DGKB: variants seen among roughly 807,000 people sequenced by gnomAD.
DGKB encodes diacylglycerol kinase beta.
In DGKB, 67 loss-of-function variants were observed where a neutral mutation model predicts 114.3. The ratio of observed to expected loss-of-function variants is 0.59; its 90% CI spans 0.48 to 0.72. DGKB has a LOEUF of 0.72. Among genes scored for constraint, DGKB ranks in the 30% least tolerant of loss-of-function variants. DGKB has a pLI of 0.00. For missense variants in DGKB, 907 were observed against 975.2 expected (o/e 0.93, Z 0.93); for synonymous variants, 398 against 323.1 (o/e 1.23, Z -2.49).
intron 23 of DGKB, among the ~76,000 whole-genome samples, chr7:14,222,448 A>G (rs551787805): frequency 6.6e-6 from 1 of 151,038 alleles, no homozygotes; most frequent in Non-Finnish European, 1.5e-5. Flanking sequence ...TAAATTTCCC[A>G]TATTTCTTTT....
intron 6 of DGKB, among the ~76,000 whole-genome samples, chr7:14,718,308 C>T (rs1343061885): frequency 6.6e-6 from 1 of 151,986 alleles, no homozygotes; most frequent in Non-Finnish European, 1.5e-5. Flanking sequence ...AGTCATATGA[C>T]AAACATAGGA....
intron 21 of DGKB, among the ~76,000 whole-genome samples, chr7:14,349,099 G>A (rs924715924): frequency 5.9e-5 from 9 of 152,012 alleles, no homozygotes; most frequent in African/African-American, 2.2e-4. Flanking sequence ...GTGTCATTAA[G>A]AGAACTGTAG....
chr7:14,209,740 C>T (rs962340471), intron 23 of DGKB, among the ~76,000 whole-genome samples: 2 of 152,114 alleles, frequency 1.3e-5, no homozygotes, highest in African/African-American at 4.8e-5. Flanking sequence ...AATAAAATAT[C>T]CTTTTGATTA....
intron 17 of DGKB, among the ~76,000 whole-genome samples, chr7:14,585,897 T>A (rs985015141): frequency 6.6e-6 from 1 of 152,148 alleles, no homozygotes; most frequent in Non-Finnish European, 1.5e-5. Flanking sequence ...GAGAACATAA[T>A]TGTGAATGTT....
Position 14,868,260 on chromosome 7 carries a change from T to G in DGKB, c.-187-26810A>C, listed in dbSNP as rs182641509. Among the ~76,000 whole-genome samples, 288 of 152,200 alleles carry G rather than the reference T, an allele frequency of 1.9e-3. 1 individual carries two copies. Among genetic ancestry groups the G allele is most frequent in the African/African-American group, 6.8e-3 (284 of 41,548 alleles). Reference sequence around the variant, plus strand: ...ATTCTTCAAAGCAAAATGCCCCTTCTGTCACTGCCCCCTATGCTTGCCTCT... The same window carrying G: ...ATTCTTCAAAGCAAAATGCCCCTTCGGTCACTGCCCCCTATGCTTGCCTCT... On this transcript the variant is annotated intron_variant, in intron 1 of 25. Transcript: ENST00000402815.
chr7:14,754,448 G>T lies in DGKB; in HGVS notation c.148-500C>A, dbSNP rs564755200. ...CCATTCCTAAGATATCCTTCTATTA[G>T]CGTCACGCCTAGCATCTCTCCATAC... is the stretch of plus-strand genomic sequence containing the variant. On this transcript the variant is annotated intron_variant, in intron 3 of 25. Transcript: ENST00000402815. Among the ~76,000 whole-genome samples, 22 of 152,140 alleles carry T rather than the reference G, an allele frequency of 1.4e-4. No homozygotes were observed. In the East Asian group the frequency reaches 4.3e-3, roughly 29 times the overall value.
At chr7:14,414,485 G>T (rs1266746304) in intron 21 of DGKB, among the ~76,000 whole-genome samples, 2 of 152,144 alleles carry the variant, frequency 1.3e-5, no homozygotes, top group Non-Finnish European at 2.9e-5. Flanking sequence ...GGTTTTGTCT[G>T]TGTCAATAAT....
chr7:14,208,779 C>T (rs572074394), intron 23 of DGKB, among the ~76,000 whole-genome samples: 1 of 151,720 alleles, frequency 6.6e-6, no homozygotes, highest in Non-Finnish European at 1.5e-5. Context: ...TAGCTTGATT[C>T]TTTATTCACT....
rs1305323876 is a variant in DGKB at position 14,147,787 on chromosome 7, T to A, written c.*1344A>T. On this transcript the variant is annotated 3_prime_UTR_variant, in exon 26 of 26. Coordinates refer to ENST00000402815, the MANE Select transcript of DGKB (RefSeq NM_001350709.2). ...CTGCTCAGAAGCATTTCATTTTACATCATAGGCTTAATGAAACACTAAAAG... is the reference window on the plus strand; with the variant it reads ...CTGCTCAGAAGCATTTCATTTTACAACATAGGCTTAATGAAACACTAAAAG... 6.6e-6 allele frequency: 1 copy of A among 152,574 alleles called. No individual in the cohort carries two copies. Among genetic ancestry groups the A allele is most frequent in the African/African-American group, 2.4e-5 (1 of 41,450 alleles). The allele number at this position is 152,574 out of a possible 1,614,324, so 9.5% of individuals were successfully genotyped here.
intron 23 of DGKB, among the ~76,000 whole-genome samples, chr7:14,333,839 T>C (rs919698478): frequency 6.6e-6 from 1 of 152,216 alleles, no homozygotes; most frequent in Non-Finnish European, 1.5e-5. Context: ...GACATAATGA[T>C]ACTTGCTGTA....
At chr7:14,419,278 C>T (rs1431049999) in intron 21 of DGKB, among the ~76,000 whole-genome samples, 5 of 151,790 alleles carry the variant, frequency 3.3e-5, no homozygotes, top group African/African-American at 1.2e-4. Flanking sequence ...TGATATATAA[C>T]ACATTTTTAA....
chr7:14,859,812 C>T (rs1850712682), intron 1 of DGKB, among the ~76,000 whole-genome samples: 2 of 152,028 alleles, frequency 1.3e-5, no homozygotes, highest in South Asian at 2.1e-4. Flanking sequence ...CATAACTCTG[C>T]GTCTCACAAT....
At chr7:14,908,326 G>A (rs1783816088), upstream of DGKB, among the ~76,000 whole-genome samples, 1 of 152,110 alleles carries the variant, frequency 6.6e-6, no homozygotes, top group African/African-American at 2.4e-5. Flanking sequence ...GGCCATTTAG[G>A]TGTCTCTACA....
chr7:14,831,169 C>T (rs79733919), intron 2 of DGKB, among the ~76,000 whole-genome samples: 336 of 151,936 alleles, frequency 2.2e-3, no homozygotes, highest in African/African-American at 7.9e-3. Context: ...GAAAAATAAA[C>T]GGTGAGAGAC....
At chr7:14,791,934 T>G (rs1238511793) in intron 2 of DGKB, among the ~76,000 whole-genome samples, 1 of 152,092 alleles carries the variant, frequency 6.6e-6, no homozygotes, top group Non-Finnish European at 1.5e-5. Context: ...GTTTTCCATA[T>G]TTTTACTCTT....
At chr7:14,937,066 A>T (rs940329163) in intron 1 of DGKB, among the ~76,000 whole-genome samples, 3 of 136,594 alleles carry the variant, frequency 2.2e-5, no homozygotes, top group Non-Finnish European at 4.8e-5. Flanking sequence ...ACACACACAC[A>T]CACACACATC....
chr7:14,361,494 T>C (rs1020985802), intron 21 of DGKB, among the ~76,000 whole-genome samples: 8 of 151,990 alleles, frequency 5.3e-5, no homozygotes, highest in African/African-American at 1.9e-4. Context: ...CTCCCTGAAA[T>C]ATCATGATCT....
intron 9 of DGKB, among the ~76,000 whole-genome samples, chr7:14,690,291 C>G (rs6954517): frequency 0.59 from 90,009 of 151,944 alleles, 27,533 homozygotes; most frequent in East Asian, 0.87. Context: ...TTTCCGGAGA[C>G]AGCAACTGCC....
chr7:14,705,758 C>T (rs1312400820), intron 6 of DGKB, among the ~76,000 whole-genome samples: 1 of 151,676 alleles, frequency 6.6e-6, no homozygotes, highest in Non-Finnish European at 1.5e-5. Context: ...TACAGACAAG[C>T]AAATGCTAAG....
Sources: gnomAD v4.1 joint callset for allele counts (sites outside exome capture counted in the v4.1 genomes callset) on GRCh38, gnomAD v4.1.1 for gene constraint, MANE v1.5 for transcripts, NCBI Gene and HGNC (gene_info 2026-07-23, HGNC 2026-07-21) for gene names.